The following FAR2 variants were observed in gnomAD, a reference collection of about 807,000 sequenced individuals.
The protein encoded by FAR2 is fatty acyl-CoA reductase 2.
A neutral mutation model predicts 56.0 loss-of-function variants in FAR2; 19 were observed. The observed-to-expected ratio is 0.34, with a 90% CI of 0.24 to 0.50. The LOEUF is 0.50. FAR2 is among the 20% of genes least tolerant of loss of function. The pLI, the probability that FAR2 is intolerant of heterozygous loss-of-function variation, is 0.98. For synonymous variants in FAR2, 219 were observed against 218.8 expected, an observed-to-expected ratio of 1.00 and a Z score of -0.01; for missense variants, 508 against 642.2, an observed-to-expected ratio of 0.79 and a Z score of 2.26.
chr12:29,208,895 C>A (rs1373448344), intron 1 of FAR2, among the ~76,000 whole-genome samples: 3 of 151,944 alleles, frequency 2.0e-5, no homozygotes, highest in Non-Finnish European at 4.4e-5. Context: ...GAGAATGTTC[C>A]AATGGCAAAA....
chr12:29,154,564 A>C (rs1949710050), intron 1 of FAR2, among the ~76,000 whole-genome samples: 1 of 151,960 alleles, frequency 6.6e-6, no homozygotes, highest in Admixed American at 6.6e-5. Flanking sequence ...CCTCCTGAGT[A>C]GCTGGGACTA....
chr12:29,296,267 A>C (rs1166689327), intron 3 of FAR2, among the ~76,000 whole-genome samples: 1 of 152,152 alleles, frequency 6.6e-6, no homozygotes, highest in Non-Finnish European at 1.5e-5. Flanking sequence ...AACAATGTTA[A>C]GTAGTAGTGT....
At chr12:29,328,419 G>T (rs1276305604) in intron 10 of FAR2, among the ~76,000 whole-genome samples, 1 of 152,104 alleles carries the variant, frequency 6.6e-6, no homozygotes, top group Non-Finnish European at 1.5e-5. Context: ...ATACCCAAAG[G>T]ATTATAAATC....
intron 1 of FAR2, among the ~76,000 whole-genome samples, chr12:29,240,433 T>C (rs927872830): frequency 6.6e-6 from 1 of 152,152 alleles, no homozygotes; most frequent in Non-Finnish European, 1.5e-5. Flanking sequence ...GCTGCTCCAC[T>C]TTCCAAAAGT....
chr12:29,279,298 A>C (rs1948749708), intron 2 of FAR2, among the ~76,000 whole-genome samples: 2 of 152,240 alleles, frequency 1.3e-5, no homozygotes, highest in South Asian at 2.1e-4. Flanking sequence ...ATAAATTTAG[A>C]ATCAAACAAC....
chr12:29,331,146 A>C (rs7961943), intron 10 of FAR2, among the ~76,000 whole-genome samples: 95,259 of 151,372 alleles, frequency 0.63, 31,231 homozygotes, highest in African/African-American at 0.82. Context: ...ACCAGAAGTT[A>C]AGTAAGTTAA....
At chr12:29,292,236 C>T (rs3782505) in intron 2 of FAR2, 100,539 of 151,960 alleles carry the variant, frequency 0.66, 34,308 homozygotes, top group African/African-American at 0.83. Flanking sequence ...GGAACCCCAT[C>T]GTGAGAAGGG....
chr12:29,285,289 A>G (rs1173325947), intron 2 of FAR2, among the ~76,000 whole-genome samples: 1 of 152,232 alleles, frequency 6.6e-6, no homozygotes, highest in East Asian at 1.9e-4. Flanking sequence ...ATCTCTACAT[A>G]AGGCAAAGGC....
At chr12:29,283,005 A>G (rs577900838) in intron 2 of FAR2, among the ~76,000 whole-genome samples, 64 of 152,322 alleles carry the variant, frequency 4.2e-4, no homozygotes, top group African/African-American at 1.5e-3. Context: ...CACAAAGATA[A>G]TTAAGGTGTC....
At chr12:29,304,349 A>G (rs1001515624) in intron 4 of FAR2, among the ~76,000 whole-genome samples, 2 of 152,248 alleles carry the variant, frequency 1.3e-5, no homozygotes, top group Non-Finnish European at 2.9e-5. Context: ...GATTAGACAC[A>G]GTGATAAAAA....
chr12:29,303,538 T>G, intron 4 of FAR2, among the ~76,000 whole-genome samples: 1 of 152,074 alleles, frequency 6.6e-6, no homozygotes, highest in South Asian at 2.1e-4. Flanking sequence ...AAAGGAAAGG[T>G]GGCGTGTGCA....
At chr12:29,328,570 A>C (rs1200563497) in intron 10 of FAR2, among the ~76,000 whole-genome samples, 1 of 152,092 alleles carries the variant, frequency 6.6e-6, no homozygotes, top group East Asian at 1.9e-4. Flanking sequence ...CAACCATAAA[A>C]AATGAGTTCA....
intron 1 of FAR2, among the ~76,000 whole-genome samples, chr12:29,245,229 C>T (rs1472531992): frequency 6.6e-6 from 1 of 152,188 alleles, no homozygotes; most frequent in African/African-American, 2.4e-5. Context: ...ATCCGCCCAC[C>T]TCAGCCTCCA....
At chr12:29,288,204 TGTATCTTTCA>T (rs1453445746) in intron 2 of FAR2, among the ~76,000 whole-genome samples, 1 of 152,180 alleles carries the variant, frequency 6.6e-6, no homozygotes, top group Non-Finnish European at 1.5e-5. Context: ...ACCTTTCAGC[TGTATCTTTCA>T]GTGACCACAG....
At chr12:29,210,961 A>G (rs747717218) in intron 1 of FAR2, among the ~76,000 whole-genome samples, 4 of 151,480 alleles carry the variant, frequency 2.6e-5, no homozygotes, top group Non-Finnish European at 5.9e-5. Flanking sequence ...AAAAAACTAT[A>G]TCATTCTTAT....
At chr12:29,227,563 C>G (rs541455386) in intron 1 of FAR2, among the ~76,000 whole-genome samples, 1 of 152,134 alleles carries the variant, frequency 6.6e-6, no homozygotes, top group Non-Finnish European at 1.5e-5. Flanking sequence ...GTACTTGCCC[C>G]AAGGTTTCCT....
At chr12:29,280,276 A>G (rs931914675) in intron 2 of FAR2, 1 of 152,108 alleles carries the variant, frequency 6.6e-6, no homozygotes, top group African/African-American at 2.4e-5. Context: ...CAGGTATGTT[A>G]TTTTGTTCGT....
intron 3 of FAR2, 42 bp from the exon 4 acceptor site, chr12:29,296,979 T>C: frequency 6.5e-7 from 1 of 1,532,132 alleles, no homozygotes. Flanking sequence ...GGCATGATAC[T>C]GACTTACTTC....
intron 1 of FAR2, among the ~76,000 whole-genome samples, chr12:29,208,555 G>T (rs778033362): frequency 2.0e-5 from 3 of 152,184 alleles, no homozygotes; most frequent in Middle Eastern, 3.4e-3. Flanking sequence ...TTACTCAAAG[G>T]TTTACTGTGG....
Sources: allele counts gnomAD v4.1 joint callset (sites outside exome capture counted in the v4.1 genomes callset), GRCh38; gene constraint gnomAD v4.1.1; transcripts MANE v1.5; gene names NCBI Gene and HGNC (gene_info 2026-07-23, HGNC 2026-07-21).